CHL1: variants seen among roughly 807,000 people sequenced by gnomAD.
The protein encoded by CHL1 is cell adhesion molecule L1 like, also known as neural cell adhesion molecule L1-like protein.
Under a neutral mutation model 141.9 loss-of-function variants are expected in CHL1, and 96 were observed. The ratio of observed to expected loss-of-function variants is 0.68; its 90% CI spans 0.57 to 0.80. The LOEUF (loss-of-function observed/expected upper bound fraction) is 0.80. CHL1 is among the 30% of genes least tolerant of loss of function. CHL1 has a pLI of 0.00. For missense variants in CHL1, 1,820 were observed against 1,457.2 expected, an observed-to-expected ratio of 1.25 and a Z score of -4.05; for synonymous variants, 613 against 502.2, an observed-to-expected ratio of 1.22 and a Z score of -2.95.
intron 15 of CHL1, among the ~76,000 whole-genome samples, chr3:373,162 G>A (rs73105023): frequency 1.1e-3 from 162 of 152,324 alleles, no homozygotes; most frequent in African/African-American, 3.6e-3. Flanking sequence ...GGGGGAAACC[G>A]ACTTGTCTGG....
In CHL1 at chr3:401,640, GA is replaced by G. The variant is rs1709145431; in HGVS notation, c.3401del (p.Asp1134ValfsTer11). On this transcript the variant is annotated frameshift_variant, in exon 27 of 28. Coordinates refer to ENST00000256509, the MANE Select transcript of CHL1 (RefSeq NM_006614.4). LOFTEE classifies it high-confidence loss of function. ...GGKYSVKEKE[D>X]LHPDPEIQSV... ...CTCTTTTTTAGTTAAAGAAAAGGAAGATTTGCATCCAGACCCAGAAATTCAG... is the reference window on the plus strand; with the variant it reads ...CTCTTTTTTAGTTAAAGAAAAGGAAGTTTGCATCCAGACCCAGAAATTCAG... 6.3e-7 allele frequency: 1 copy of G among 1,592,314 alleles called. No individual in the cohort carries two copies. The highest frequency in any genetic ancestry group is 8.6e-7 in the Non-Finnish European group (1 of 1,168,586).
intron 1 of CHL1, among the ~76,000 whole-genome samples, chr3:241,744 TA>T (rs1692587309): frequency 6.6e-6 from 1 of 152,196 alleles, no homozygotes; most frequent in African/African-American, 2.4e-5. Context: ...ACTTTCTTTT[TA>T]ATATTTTCTT....
At chr3:322,645 A>T (rs867732646) in intron 3 of CHL1, among the ~76,000 whole-genome samples, 32 of 130,204 alleles carry the variant, frequency 2.5e-4, no homozygotes, top group Admixed American at 2.2e-3. Flanking sequence ...ATATATATAA[A>T]ATATATATAT....
At chr3:221,236 G>A (rs1487888025) in intron 1 of CHL1, among the ~76,000 whole-genome samples, 1 of 152,224 alleles carries the variant, frequency 6.6e-6, no homozygotes, top group Non-Finnish European at 1.5e-5. Flanking sequence ...AGGATCTCCT[G>A]AAGCTGTGTC....
intron 2 of CHL1, among the ~76,000 whole-genome samples, chr3:277,607 A>T (rs185023564): frequency 1.3e-5 from 2 of 152,266 alleles, no homozygotes; most frequent in African/African-American, 4.8e-5. Flanking sequence ...CTCTTACCTT[A>T]TACTGGAAAA....
rs1698366265 is a variant in CHL1 at position 196,835 on chromosome 3, A to G, written c.-403A>G. On this transcript the variant is annotated 5_prime_UTR_variant, in exon 1 of 28. Transcript: ENST00000256509. ...GGGCGTAGACCCCGGTGCCAGCCAG[A>G]ACGGCTCCAGCCTTCCCGCGGCCAG... is the stretch of plus-strand genomic sequence containing the variant. 1 of 152,528 alleles carries G rather than the reference A, an allele frequency of 6.6e-6. No homozygotes were observed. The highest frequency in any genetic ancestry group is 2.1e-4 in the South Asian group (1 of 4,840). The allele number at this position is 152,528 out of a possible 1,614,324, so 9.4% of individuals were successfully genotyped here.
intron 6 of CHL1, 47 bp from the exon 7 acceptor site, chr3:341,865 C>T: frequency 4.2e-6 from 6 of 1,413,950 alleles, no homozygotes; most frequent in Non-Finnish European, 5.7e-6. Flanking sequence ...AGATGAAGCA[C>T]AGTAAGGGAC....
chr3:376,061 G>T (rs1349874653), intron 15 of CHL1, among the ~76,000 whole-genome samples: 1 of 152,164 alleles, frequency 6.6e-6, no homozygotes, highest in Non-Finnish European at 1.5e-5. Flanking sequence ...AAAAGATTGG[G>T]GCACGAAGAT....
chr3:243,999 C>T (rs1228544420), intron 1 of CHL1, among the ~76,000 whole-genome samples: 1 of 152,100 alleles, frequency 6.6e-6, no homozygotes, highest in Non-Finnish European at 1.5e-5. Flanking sequence ...CCTTGAGACA[C>T]CTGGGAATGA....
chr3:265,419 C>A (rs989031796), intron 2 of CHL1, among the ~76,000 whole-genome samples: 3 of 152,184 alleles, frequency 2.0e-5, no homozygotes, highest in Non-Finnish European at 4.4e-5. Context: ...ATTTTCATAT[C>A]TCTTACTGAT....
At chr3:266,010 T>C (rs544013649) in intron 2 of CHL1, among the ~76,000 whole-genome samples, 1 of 152,324 alleles carries the variant, frequency 6.6e-6, no homozygotes, top group African/African-American at 2.4e-5. Flanking sequence ...GCTAACCCAC[T>C]AGGGACAGAT....
At chr3:286,957 G>T (rs1001383283) in intron 2 of CHL1, among the ~76,000 whole-genome samples, 3 of 152,070 alleles carry the variant, frequency 2.0e-5, no homozygotes, top group Non-Finnish European at 4.4e-5. Context: ...TGGTTTTGGT[G>T]GGATTTGGCC....
intron 23 of CHL1, among the ~76,000 whole-genome samples, chr3:392,259 G>A (rs1708285263): frequency 6.6e-6 from 1 of 152,206 alleles, no homozygotes; most frequent in South Asian, 2.1e-4. Flanking sequence ...TGATGTGATG[G>A]AGATTCAAAG....
Position 344,672 on chromosome 3 carries a change from G to C in CHL1, c.811G>C (p.Gly271Arg), listed in dbSNP as rs770506857. 6.2e-6 allele frequency: 10 copies of C among 1,613,642 alleles called. No homozygotes were observed. Among genetic ancestry groups the C allele is most frequent in the Non-Finnish European group, 7.6e-6 (9 of 1,179,842 alleles). ...GSESSITILKGEILLLECFAE... is the reference protein window; with the variant it reads ...GSESSITILKREILLLECFAE... ...TGAGTCTTCAATTACCATCCTCAAA[G>C]GGGAAATCTTGCTGCTTGAGTGTTT... The change falls in exon 9 of 28, where the codon GGG (glycine) becomes CGG (arginine). Residue 271 changes from glycine (G) to arginine (R), a missense_variant. Gly to Arg is a moderately radical substitution (Grantham distance 125, BLOSUM62 -2). Coordinates refer to ENST00000256509, the MANE Select transcript of CHL1 (RefSeq NM_006614.4).
At chr3:371,678 T>G (rs532232025) in intron 15 of CHL1, among the ~76,000 whole-genome samples, 1 of 152,224 alleles carries the variant, frequency 6.6e-6, no homozygotes, top group African/African-American at 2.4e-5. Flanking sequence ...TGCTCATTAG[T>G]TGGTGAAGTT....
At chr3:218,404 A>G (rs962280147) in intron 1 of CHL1, among the ~76,000 whole-genome samples, 4 of 152,226 alleles carry the variant, frequency 2.6e-5, no homozygotes, top group African/African-American at 4.8e-5. Flanking sequence ...TGGAGTTTGG[A>G]TATCTTTTTC....
At chr3:197,944 G>T (rs1223109070) in intron 1 of CHL1, 1 of 388,120 alleles carries the variant, frequency 2.6e-6, no homozygotes, top group Admixed American at 3.1e-5. Context: ...TTGGGGAGCA[G>T]GGATTGGAGC....
rs148514121 is a variant in CHL1 at position 300,063 on chromosome 3, A to T, written c.-94-19620A>T. On this transcript the variant is annotated intron_variant, in intron 2 of 27. Transcript: ENST00000256509. ...ATTGATGGAAAATGGCAGCTTAGAGAATCTGTGGTTAGAGAAAATTGTTTG... is the reference window on the plus strand; with the variant it reads ...ATTGATGGAAAATGGCAGCTTAGAGTATCTGTGGTTAGAGAAAATTGTTTG... Among the ~76,000 whole-genome samples, 543 of 152,308 alleles carry T rather than the reference A, an allele frequency of 3.6e-3. 8 individuals carry two copies. The highest frequency in any genetic ancestry group is 0.012 in the African/African-American group (517 of 41,570).
chr3:311,775 T>C (rs949584237), intron 2 of CHL1, among the ~76,000 whole-genome samples: 3 of 152,218 alleles, frequency 2.0e-5, no homozygotes, highest in Admixed American at 2.0e-4. Context: ...AGCTGTACAC[T>C]TAAGTTTTGT....
Sources: allele counts gnomAD v4.1 joint callset (sites outside exome capture counted in the v4.1 genomes callset), GRCh38; gene constraint gnomAD v4.1.1; transcripts MANE v1.5; gene names NCBI Gene and HGNC (gene_info 2026-07-23, HGNC 2026-07-21).